Variants in ADGRL3 observed in about 807,000 individuals in gnomAD.
ADGRL3 encodes calcium-independent alpha-latrotoxin receptor 3.
ADGRL3 carries 62 observed loss-of-function variants against 153.5 expected under a neutral mutation model. The observed-to-expected ratio is 0.40, with a 90% CI of 0.33 to 0.50. The LOEUF (loss-of-function observed/expected upper bound fraction) is 0.50. Ranked by LOEUF, ADGRL3 falls within the 20% of genes least tolerant of loss-of-function variation. The probability of loss-of-function intolerance (pLI) is 0.47; values close to 1 mark genes in which losing one functional copy is unlikely to be tolerated. For synonymous variants in ADGRL3, 710 were observed against 672.5 expected (o/e 1.06, Z -0.86); for missense variants, 1,641 against 1,859.4 (o/e 0.88, Z 2.16).
rs149190564 is a variant in ADGRL3 at position 61,763,631 on chromosome 4, C to A, written c.1399+30077C>A. Among the ~76,000 whole-genome samples, 953 of 152,076 alleles carry A rather than the reference C, an allele frequency of 6.3e-3. 6 individuals are homozygous for A. The highest frequency in any genetic ancestry group is 0.022 in the African/African-American group (910 of 41,480). On this transcript the variant is annotated intron_variant, in intron 8 of 26. Transcript: ENST00000683033. ...TAACATACCCAAATATATTTAGTTTCTTTATACTGTATAAAAACAAGATGC... is the reference window on the plus strand; with the variant it reads ...TAACATACCCAAATATATTTAGTTTATTTATACTGTATAAAAACAAGATGC...
rs10711323 is a variant in ADGRL3 at position 61,428,913 on chromosome 4, CT to C, written c.-174+45725del. Among the ~76,000 whole-genome samples, 648 of 149,722 alleles carry C rather than the reference CT, an allele frequency of 4.3e-3. 4 individuals are homozygous for C. Among genetic ancestry groups the C allele is most frequent in the African/African-American group, 0.016 (617 of 39,740 alleles). ...CTATATCATCTATCTATCTATCTATCTATCTATCTATCTATCTATCTATCTA... is the reference window on the plus strand; with the variant it reads ...CTATATCATCTATCTATCTATCTATCATCTATCTATCTATCTATCTATCTA... On this transcript the variant is annotated intron_variant, in intron 2 of 26. Transcript: ENST00000683033.
chr4:61,716,517 A>G (rs1348233284), intron 6 of ADGRL3, among the ~76,000 whole-genome samples: 1 of 152,154 alleles, frequency 6.6e-6, no homozygotes, highest in Non-Finnish European at 1.5e-5. Flanking sequence ...AGTTTGCTCC[A>G]TTTTCACATA....
At chr4:61,392,429 G>C (rs2096820617) in intron 2 of ADGRL3, among the ~76,000 whole-genome samples, 2 of 150,888 alleles carry the variant, frequency 1.3e-5, no homozygotes, top group Non-Finnish European at 1.5e-5. Flanking sequence ...GCTCACGCCT[G>C]TAATCCCAGC....
chr4:61,281,103 T>A (rs10010876), intron 1 of ADGRL3, among the ~76,000 whole-genome samples: 48,953 of 151,852 alleles, frequency 0.32, 8,461 homozygotes, highest in East Asian at 0.42. Flanking sequence ...TATATACATA[T>A]ATATGCCTAA....
intron 8 of ADGRL3, among the ~76,000 whole-genome samples, chr4:61,748,705 T>G (rs374895985): frequency 6.6e-6 from 1 of 152,098 alleles, no homozygotes; most frequent in Non-Finnish European, 1.5e-5. Context: ...ATACAAAAAT[T>G]AATTCAAGGT....
intron 1 of ADGRL3, among the ~76,000 whole-genome samples, chr4:61,337,440 G>C (rs2095702814): frequency 6.6e-6 from 1 of 152,132 alleles, no homozygotes; most frequent in Admixed American, 6.6e-5. Context: ...AATGCAACAT[G>C]CTTGGGTTGC....
intron 2 of ADGRL3, among the ~76,000 whole-genome samples, chr4:61,477,291 C>A (rs573053120): frequency 1.3e-5 from 2 of 151,922 alleles, no homozygotes; most frequent in Admixed American, 1.3e-4. Context: ...GTGAGGTGGT[C>A]CTTCCTATTT....
chr4:61,997,697 C>A (rs956795448), intron 20 of ADGRL3, among the ~76,000 whole-genome samples: 7 of 151,980 alleles, frequency 4.6e-5, no homozygotes, highest in African/African-American at 1.7e-4. Context: ...ATTGTAGCAT[C>A]AGAATTTAAA....
At chr4:61,775,794 C>CA in intron 8 of ADGRL3, 1 of 769,454 alleles carries the variant, frequency 1.3e-6, no homozygotes. Flanking sequence ...TCAGCACCTC[C>CA]TGTAAAGCAG....
At chr4:61,478,357 G>A (rs2098089964) in intron 2 of ADGRL3, among the ~76,000 whole-genome samples, 1 of 151,836 alleles carries the variant, frequency 6.6e-6, no homozygotes, top group Non-Finnish European at 1.5e-5. Context: ...TTTTTTGGCT[G>A]GACCACTGTG....
intron 4 of ADGRL3, among the ~76,000 whole-genome samples, chr4:61,532,661 A>C (rs995256602): frequency 1.3e-5 from 2 of 151,574 alleles, no homozygotes; most frequent in Non-Finnish European, 2.9e-5. Context: ...TGTTAGATGA[A>C]GAGGCACTCC....
At chr4:61,876,013 C>T (rs1193573063) in intron 9 of ADGRL3, among the ~76,000 whole-genome samples, 1 of 147,694 alleles carries the variant, frequency 6.8e-6, no homozygotes, top group East Asian at 1.9e-4. Flanking sequence ...TACAGTGAAA[C>T]CCTGTCTCTA....
chr4:61,950,044 T>G (rs560260617), intron 17 of ADGRL3, among the ~76,000 whole-genome samples: 5 of 152,332 alleles, frequency 3.3e-5, no homozygotes, highest in Admixed American at 2.6e-4. Context: ...CATTAAAATT[T>G]TTCACTATTT....
chr4:61,954,584 C>G (rs897087259), intron 17 of ADGRL3, among the ~76,000 whole-genome samples: 1 of 151,908 alleles, frequency 6.6e-6, no homozygotes, highest in Non-Finnish European at 1.5e-5. Context: ...AATCTTGGCC[C>G]GCATTAGCAT....
intron 4 of ADGRL3, among the ~76,000 whole-genome samples, chr4:61,546,005 G>C (rs1421557803): frequency 5.3e-5 from 8 of 152,210 alleles, no homozygotes; most frequent in Non-Finnish European, 2.9e-5. Flanking sequence ...AGCACTGTCA[G>C]TCTGCTTCCA....
chr4:61,597,558 C>T, intron 5 of ADGRL3, among the ~76,000 whole-genome samples: 1 of 151,874 alleles, frequency 6.6e-6, no homozygotes, highest in East Asian at 1.9e-4. Flanking sequence ...TATGACAGTT[C>T]TTTACCAATA....
intron 1 of ADGRL3, among the ~76,000 whole-genome samples, chr4:61,261,187 TTC>T (rs538933432): frequency 0.089 from 7,696 of 86,690 alleles, 184 homozygotes; most frequent in Non-Finnish European, 0.11. Context: ...TTTCATCTTC[TTC>T]TTTTTTTTTT....
At chr4:61,847,501 T>G (rs1414289419) in intron 9 of ADGRL3, among the ~76,000 whole-genome samples, 1 of 143,392 alleles carries the variant, frequency 7.0e-6, no homozygotes, top group Non-Finnish European at 1.5e-5. Context: ...TACTTTTCTG[T>G]GAAGAATCCT....
At chr4:61,225,225 A>T (rs1747404094) in intron 1 of ADGRL3, among the ~76,000 whole-genome samples, 1 of 152,164 alleles carries the variant, frequency 6.6e-6, no homozygotes, top group Non-Finnish European at 1.5e-5. Context: ...GGTCCCAGGG[A>T]CTGGGAACAG....
Sources: gnomAD v4.1 joint callset for allele counts (sites outside exome capture counted in the v4.1 genomes callset) on GRCh38, gnomAD v4.1.1 for gene constraint, MANE v1.5 for transcripts, NCBI Gene and HGNC (gene_info 2026-07-23, HGNC 2026-07-21) for gene names.